SUCLG2: variants seen among roughly 807,000 people sequenced by gnomAD.
SUCLG2 encodes the protein succinate-CoA ligase GDP-forming subunit beta, also known as succinate--CoA ligase [GDP-forming] subunit beta, mitochondrial.
A neutral mutation model predicts 47.9 loss-of-function variants in SUCLG2; 42 were observed. The observed-to-expected ratio is 0.88, with a 90% CI of 0.69 to 1.14. The LOEUF (loss-of-function observed/expected upper bound fraction) is 1.14. Among genes scored for constraint, SUCLG2 ranks in the 50% most tolerant of loss-of-function variants. SUCLG2 has a pLI of 0.00. For missense variants in SUCLG2, 571 were observed against 525.9 expected (o/e 1.09, Z -0.84); for synonymous variants, 195 against 197.3 (o/e 0.99, Z 0.10).
chr3:67,527,727 G>A (rs1575756369), intron 4 of SUCLG2, among the ~76,000 whole-genome samples: 1 of 152,294 alleles, frequency 6.6e-6, no homozygotes, highest in Non-Finnish European at 1.5e-5. Context: ...GGGGCATTTA[G>A]AAAAACAACC....
intron 9 of SUCLG2, among the ~76,000 whole-genome samples, chr3:67,437,315 G>T (rs558440299): frequency 3.3e-5 from 5 of 152,176 alleles, no homozygotes; most frequent in Non-Finnish European, 7.4e-5. Flanking sequence ...CAATCACTAG[G>T]GGCCATTTTA....
chr3:67,495,158 C>T (rs1359940721), intron 9 of SUCLG2, among the ~76,000 whole-genome samples: 2 of 152,114 alleles, frequency 1.3e-5, no homozygotes. Flanking sequence ...GTACTCTTCC[C>T]TCTAAATCAT....
At chr3:67,465,323 G>A (rs574059796) in intron 9 of SUCLG2, among the ~76,000 whole-genome samples, 11 of 152,212 alleles carry the variant, frequency 7.2e-5, no homozygotes, top group African/African-American at 2.4e-4. Flanking sequence ...CACTCTCAGC[G>A]CCTCCTCAGT....
chr3:67,518,321 A>C lies in SUCLG2; in HGVS notation c.586T>G (p.Phe196Val), dbSNP rs1238551752. ...GCTTGGCTGTCCTTTATTCCTTCAA[A>C]AATGTCAATTTGCTCCTAGTAAAAA... The part of the protein sequence containing the change: ...ELIFKEQIDI[F>V]EGIKDSQAQR... Residue 196 changes from phenylalanine (F) to valine (V), a missense_variant, in exon 6 of 11, where the codon TTT becomes GTT. Phe to Val is a conservative substitution (Grantham distance 50). Coordinates refer to ENST00000307227, the MANE Select transcript of SUCLG2 (RefSeq NM_003848.4). 6.2e-7 allele frequency: 1 copy of C among 1,610,846 alleles called. No homozygotes were observed. The highest frequency in any genetic ancestry group is 8.5e-7 in the Non-Finnish European group (1 of 1,178,064).
rs568532271 is a variant in SUCLG2 at position 67,639,165 on chromosome 3, A to G, written c.84+15338T>C. 3.3e-5 allele frequency among the ~76,000 whole-genome samples: 5 copies of G among 152,298 alleles called. No individual in the cohort carries two copies. The East Asian group carries it at 9.7e-4, about 29-fold the overall frequency. ...GGCTTTCTTCTGTGTAATTTATTGTAATGTACATTCGAAAAAAATGTATAT... is the reference window on the plus strand; with the variant it reads ...GGCTTTCTTCTGTGTAATTTATTGTGATGTACATTCGAAAAAAATGTATAT... On this transcript the variant is annotated intron_variant, in intron 1 of 10. Transcript: ENST00000307227.
intron 6 of SUCLG2, among the ~76,000 whole-genome samples, chr3:67,509,222 A>G (rs1705721596): frequency 6.6e-6 from 1 of 152,234 alleles, no homozygotes; most frequent in Non-Finnish European, 1.5e-5. Flanking sequence ...AATTACAATC[A>G]TTAATACAAA....
intron 9 of SUCLG2, among the ~76,000 whole-genome samples, chr3:67,417,347 G>A (rs1023235113): frequency 7.9e-5 from 12 of 152,158 alleles, no homozygotes; most frequent in Non-Finnish European, 1.5e-4. Context: ...CAAGGCCAAG[G>A]GTTTTGAAAT....
chr3:67,579,097 T>C (rs1238217471), intron 2 of SUCLG2, among the ~76,000 whole-genome samples: 3 of 152,216 alleles, frequency 2.0e-5, no homozygotes, highest in Non-Finnish European at 2.9e-5. Flanking sequence ...AATTTCAGTA[T>C]GTTATGTGCA....
intron 9 of SUCLG2, among the ~76,000 whole-genome samples, chr3:67,491,796 T>TTA (rs1705213674): frequency 6.6e-6 from 1 of 152,248 alleles, no homozygotes; most frequent in Non-Finnish European, 1.5e-5. Flanking sequence ...TTTTAAATGA[T>TTA]ACTGTCATAT....
At chr3:67,613,775 T>C (rs1160393855) in intron 1 of SUCLG2, among the ~76,000 whole-genome samples, 1 of 152,186 alleles carries the variant, frequency 6.6e-6, no homozygotes, top group African/African-American at 2.4e-5. Context: ...AGATCACAAG[T>C]TACTCTGAAA....
At chr3:67,401,433 A>T (rs1469547654) in intron 9 of SUCLG2, among the ~76,000 whole-genome samples, 4 of 152,176 alleles carry the variant, frequency 2.6e-5, no homozygotes, top group African/African-American at 4.8e-5. Context: ...CTCTCGAAAT[A>T]AAGAGATCCA....
intron 1 of SUCLG2, among the ~76,000 whole-genome samples, chr3:67,641,219 C>T (rs888102887): frequency 6.6e-6 from 1 of 152,280 alleles, no homozygotes; most frequent in South Asian, 2.1e-4. Context: ...GTTGATTTCA[C>T]TCATAGAAAT....
chr3:67,588,779 G>A (rs527424535), intron 2 of SUCLG2, among the ~76,000 whole-genome samples: 1 of 152,292 alleles, frequency 6.6e-6, no homozygotes, highest in South Asian at 2.1e-4. Flanking sequence ...AAATATATTG[G>A]TGACATTCAA....
chr3:67,541,914 G>A (rs1324506334), intron 2 of SUCLG2, among the ~76,000 whole-genome samples: 1 of 151,700 alleles, frequency 6.6e-6, no homozygotes, highest in Non-Finnish European at 1.5e-5. Flanking sequence ...TGTTGCCCAG[G>A]CTGGAGTGCA....
rs992264910 is a variant in SUCLG2, at chr3:67,396,857, G to T, written c.1183+3874C>A. The stretch of plus-strand genomic sequence containing the variant: ...GTGGTCTTCATCACTGGGATGCAAG[G>T]CTGGTTCAATATACGAAAATAAATA... On this transcript the variant is annotated intron_variant, in intron 10 of 10. Transcript: ENST00000307227. Among the ~76,000 whole-genome samples, 11 of 152,188 alleles carry T rather than the reference G, an allele frequency of 7.2e-5. No homozygotes were observed. In the East Asian group the frequency reaches 9.6e-4, roughly 13 times the overall value.
At chr3:67,498,110 TC>T in intron 8 of SUCLG2, 23 bp downstream of exon 8, 1 of 1,580,722 alleles carries the variant, frequency 6.3e-7, no homozygotes, top group Non-Finnish European at 8.6e-7. Context: ...CACAAAGCAT[TC>T]TTTTGATATA....
Position 67,525,678 on chromosome 3 carries a change from C to T in SUCLG2, c.417+2454G>A, listed in dbSNP as rs1706236947. Among the ~76,000 whole-genome samples, 3 of 151,822 alleles carry T rather than the reference C, an allele frequency of 2.0e-5. No individual in the cohort carries two copies. The South Asian group carries it at 6.2e-4, about 32-fold the overall frequency. ...AAATATAAAACATAAAACTATAAAACATCTAGAAAAAAACATGAGAAAATT... is the reference window on the plus strand; with the variant it reads ...AAATATAAAACATAAAACTATAAAATATCTAGAAAAAAACATGAGAAAATT... On this transcript the variant is annotated intron_variant, in intron 4 of 10. Coordinates refer to ENST00000307227, the MANE Select transcript of SUCLG2 (RefSeq NM_003848.4).
chr3:67,542,420 A>G (rs928252264), intron 2 of SUCLG2, among the ~76,000 whole-genome samples: 5 of 152,210 alleles, frequency 3.3e-5, no homozygotes, highest in African/African-American at 1.2e-4. Context: ...AAACTGCATC[A>G]ACTAACGGGC....
downstream of SUCLG2, among the ~76,000 whole-genome samples, chr3:67,372,035 GGA>G (rs1231719469): frequency 6.6e-6 from 1 of 152,142 alleles, no homozygotes; most frequent in Non-Finnish European, 1.5e-5. Flanking sequence ...CTAATACTCA[GGA>G]GATTTAGACC....
Sources: allele counts gnomAD v4.1 joint callset (sites outside exome capture counted in the v4.1 genomes callset), GRCh38; gene constraint gnomAD v4.1.1; transcripts MANE v1.5; gene names NCBI Gene and HGNC (gene_info 2026-07-23, HGNC 2026-07-21).